CDKAL1: variants seen among roughly 807,000 people sequenced by gnomAD.
The protein encoded by CDKAL1 is CDKAL1 threonylcarbamoyladenosine tRNA methylthiotransferase.
In CDKAL1, 32 loss-of-function variants were observed where a neutral mutation model predicts 68.2. The ratio of observed to expected loss-of-function variants is 0.47; its 90% CI spans 0.35 to 0.63. The LOEUF (loss-of-function observed/expected upper bound fraction) is 0.63, where lower values mean the gene tolerates loss of function less well. Among genes scored for constraint, CDKAL1 ranks in the 30% least tolerant of loss-of-function variants. The probability of loss-of-function intolerance (pLI) is 0.00; values close to 1 mark genes in which losing one functional copy is unlikely to be tolerated. For synonymous variants in CDKAL1, 234 were observed against 244.3 expected (o/e 0.96, Z 0.39); for missense variants, 606 against 696.7 (o/e 0.87, Z 1.47).
At chr6:20,956,513 A>T (rs1441074750) in intron 10 of CDKAL1, among the ~76,000 whole-genome samples, 1 of 152,244 alleles carries the variant, frequency 6.6e-6, no homozygotes, top group Non-Finnish European at 1.5e-5. Context: ...GTGCAATTGC[A>T]AAGTCATGTG....
At chr6:21,021,796 A>T (rs1768684224) in intron 11 of CDKAL1, among the ~76,000 whole-genome samples, 1 of 151,822 alleles carries the variant, frequency 6.6e-6, no homozygotes, top group South Asian at 2.1e-4. Flanking sequence ...CACTAATTCA[A>T]CCCCCATAGT....
intron 5 of CDKAL1, among the ~76,000 whole-genome samples, chr6:20,661,892 A>C (rs979614): frequency 6.6e-6 from 1 of 152,084 alleles, no homozygotes; most frequent in African/African-American, 2.4e-5. Context: ...ATAATTAAAT[A>C]TATGTGTTGG....
rs1758872143 is a variant in CDKAL1 at position 20,849,264 on chromosome 6, G to A, written c.742+3086G>A. 1.3e-5 allele frequency among the ~76,000 whole-genome samples: 2 copies of A among 151,780 alleles called. 1 individual carries two copies. The highest frequency in any genetic ancestry group is 4.2e-4 in the South Asian group (2 of 4,780). On this transcript the variant is annotated intron_variant, in intron 9 of 15. Coordinates refer to ENST00000274695, the MANE Select transcript of CDKAL1 (RefSeq NM_017774.3). The stretch of plus-strand genomic sequence containing the variant: ...TTATTTTAAGAATTTGAGATAACAT[G>A]TATAAAGTAATTGGCTATGTCAATA...
At chr6:20,786,385 G>A (rs1054008365) in intron 8 of CDKAL1, among the ~76,000 whole-genome samples, 3 of 152,124 alleles carry the variant, frequency 2.0e-5, no homozygotes, top group Non-Finnish European at 4.4e-5. Context: ...AAATGTTATG[G>A]TCAGTATCAT....
chr6:20,889,467 A>G (rs1229896201), intron 9 of CDKAL1, among the ~76,000 whole-genome samples: 1 of 152,002 alleles, frequency 6.6e-6, no homozygotes, highest in Non-Finnish European at 1.5e-5. Context: ...CCTGAATGGT[A>G]TTGCCTAGGT....
intron 4 of CDKAL1, among the ~76,000 whole-genome samples, chr6:20,632,244 G>A (rs1012548552): frequency 1.3e-5 from 2 of 152,178 alleles, no homozygotes; most frequent in Non-Finnish European, 2.9e-5. Flanking sequence ...ACAGTCCACT[G>A]TAGATTATTA....
chr6:21,086,216 A>C (rs1315243282), intron 12 of CDKAL1, among the ~76,000 whole-genome samples: 3 of 152,210 alleles, frequency 2.0e-5, no homozygotes, highest in Non-Finnish European at 4.4e-5. Flanking sequence ...TTAATGGTGG[A>C]CTTAGGATTC....
At chr6:20,924,703 A>C (rs1763106921) in intron 9 of CDKAL1, among the ~76,000 whole-genome samples, 1 of 152,240 alleles carries the variant, frequency 6.6e-6, no homozygotes, top group South Asian at 2.1e-4. Context: ...GCAGAGGTTG[A>C]TTCATGAGGT....
intron 8 of CDKAL1, among the ~76,000 whole-genome samples, chr6:20,838,045 C>T (rs7749021): frequency 6.9e-6 from 1 of 144,608 alleles, no homozygotes; most frequent in Non-Finnish European, 1.5e-5. Flanking sequence ...TATACATCTA[C>T]TTTTATATAT....
At chr6:21,225,845 G>A (rs1244956196) in intron 15 of CDKAL1, among the ~76,000 whole-genome samples, 3 of 152,138 alleles carry the variant, frequency 2.0e-5, no homozygotes, top group Admixed American at 6.5e-5. Flanking sequence ...TTCTGAGGAC[G>A]TTTGCGTTTT....
chr6:20,940,873 G>A (rs918256532), intron 9 of CDKAL1, among the ~76,000 whole-genome samples: 1 of 152,130 alleles, frequency 6.6e-6, no homozygotes, highest in African/African-American at 2.4e-5. Context: ...GGCAGATCAC[G>A]AGGTCAGGAG....
intron 13 of CDKAL1, among the ~76,000 whole-genome samples, chr6:21,171,348 G>A (rs1200586324): frequency 1.3e-5 from 2 of 151,978 alleles, no homozygotes; most frequent in African/African-American, 4.8e-5. Context: ...GAGTAGCTGG[G>A]ATTACAGGCG....
chr6:20,672,333 T>C (rs541178382), intron 5 of CDKAL1, among the ~76,000 whole-genome samples: 12 of 151,284 alleles, frequency 7.9e-5, no homozygotes, highest in South Asian at 4.2e-4. Flanking sequence ...TTTCTCTCTC[T>C]GTCTCTCTCT....
At chr6:20,925,364 A>G (rs115302800) in intron 9 of CDKAL1, among the ~76,000 whole-genome samples, 1,924 of 152,266 alleles carry the variant, frequency 0.013, 40 homozygotes, top group African/African-American at 0.044. Context: ...TTATTGTGCT[A>G]TTTGCTTTAT....
chr6:20,592,138 G>T (rs1765617721), intron 4 of CDKAL1, among the ~76,000 whole-genome samples: 1 of 152,172 alleles, frequency 6.6e-6, no homozygotes, highest in African/African-American at 2.4e-5. Context: ...TAGCAATTGT[G>T]AATGGGAGTT....
intron 9 of CDKAL1, among the ~76,000 whole-genome samples, chr6:20,949,712 A>T (rs578110586): frequency 6.4e-4 from 97 of 152,042 alleles, no homozygotes; most frequent in African/African-American, 2.1e-3. Flanking sequence ...AACACACTGT[A>T]TTAACAGAAT....
At chr6:21,080,463 C>T (rs1772326943) in intron 12 of CDKAL1, among the ~76,000 whole-genome samples, 1 of 152,178 alleles carries the variant, frequency 6.6e-6, no homozygotes, top group Non-Finnish European at 1.5e-5. Flanking sequence ...CAGGGAGATA[C>T]CACAGCCGAG....
At chr6:20,644,624 G>A (rs1031424311) in intron 4 of CDKAL1, among the ~76,000 whole-genome samples, 2 of 152,174 alleles carry the variant, frequency 1.3e-5, no homozygotes, top group African/African-American at 2.4e-5. Flanking sequence ...AGCTTGCAGT[G>A]AGCCGAGATC....
At chr6:20,584,875 T>G (rs1387946246) in intron 4 of CDKAL1, among the ~76,000 whole-genome samples, 1 of 152,158 alleles carries the variant, frequency 6.6e-6, no homozygotes, top group East Asian at 1.9e-4. Context: ...CCTCTGTTGC[T>G]TTTGATAACG....
Sources: allele counts gnomAD v4.1 joint callset (sites outside exome capture counted in the v4.1 genomes callset), GRCh38; gene constraint gnomAD v4.1.1; transcripts MANE v1.5; gene names NCBI Gene and HGNC (gene_info 2026-07-23, HGNC 2026-07-21).